The following CD96 variants were observed in gnomAD, a reference collection of about 807,000 sequenced individuals.
The protein encoded by CD96 is T-cell surface protein tactile.
CD96 carries 70 observed loss-of-function variants against 71.3 expected under a neutral mutation model. The observed-to-expected ratio is 0.98, with a 90% CI of 0.81 to 1.20. The LOEUF (loss-of-function observed/expected upper bound fraction) is 1.20, where lower values mean the gene tolerates loss of function less well. Ranked by LOEUF, CD96 falls within the 50% of genes most tolerant of loss-of-function variation. The pLI is 0.00. For synonymous variants in CD96, 248 were observed against 233.0 expected (o/e 1.06, Z -0.59); for missense variants, 742 against 677.5 (o/e 1.10, Z -1.06).
At chr3:111,588,170 C>T (rs1936802026) in intron 5 of CD96, among the ~76,000 whole-genome samples, 1 of 152,138 alleles carries the variant, frequency 6.6e-6, no homozygotes, top group Non-Finnish European at 1.5e-5. Context: ...AAACTGAATG[C>T]CTTTAACAGC....
intron 10 of CD96, among the ~76,000 whole-genome samples, chr3:111,627,012 A>T (rs1167902239): frequency 6.6e-6 from 1 of 152,236 alleles, no homozygotes; most frequent in Non-Finnish European, 1.5e-5. Context: ...AACATGTATA[A>T]ATCTGTGTAC....
intron 5 of CD96, among the ~76,000 whole-genome samples, chr3:111,585,613 G>GAA (rs146043774): frequency 2.0e-5 from 3 of 150,398 alleles, no homozygotes; most frequent in African/African-American, 4.9e-5. Flanking sequence ...AAATTTCTCA[G>GAA]AAAAAAAAAT....
At chr3:111,642,591 G>A (rs1247985844) in intron 12 of CD96, among the ~76,000 whole-genome samples, 1 of 152,044 alleles carries the variant, frequency 6.6e-6, no homozygotes, top group Admixed American at 6.6e-5. Context: ...AGTGGATCAT[G>A]AGGTCAAGAG....
rs141413172 is a variant in CD96, at chr3:111,663,688, G to A, written c.*53-1839G>A. ...ATACCATCTCCCGCCAGCCAGAATG[G>A]CCATTATTAAAAAGTCAAAAAACAG... On this transcript the variant is annotated intron_variant and NMD_transcript_variant, in intron 14 of 14. Coordinates refer to the CD96 transcript ENST00000494798. Among the ~76,000 whole-genome samples the A allele has an allele frequency of 7.5e-3, 1,131 of 151,118 alleles. 16 individuals carry two copies. The highest frequency in any genetic ancestry group is 0.026 in the African/African-American group (1,087 of 41,244).
Position 111,594,108 on chromosome 3 carries a change from C to T in CD96, c.808-4012C>T, listed in dbSNP as rs922659089. The T allele has an allele frequency of 6.2e-6, 10 of 1,614,010 alleles. No homozygotes were observed. The highest frequency in any genetic ancestry group is 7.6e-6 in the Non-Finnish European group (9 of 1,180,002). On this transcript the variant is annotated intron_variant, in intron 5 of 13. Transcript: ENST00000352690. ...CTCACAAAAGGGCCAACCAGTTCTC[C>T]TGTCTCACTAATCTCTTCCTCCTCC... is the stretch of plus-strand genomic sequence containing the variant.
chr3:111,650,287 G>T lies in CD96; in HGVS notation c.*481G>T, dbSNP rs552248335. ...GTGCTAACAAGGCTGCCAAGTAATG[G>T]AGAAGTATGGTTAGTCTTCATATTG... On this transcript the variant is annotated 3_prime_UTR_variant, in exon 14 of 14. Transcript: ENST00000352690. The T allele has an allele frequency of 2.2e-4, 41 of 182,274 alleles. No individual in the cohort carries two copies. Among genetic ancestry groups the T allele is most frequent in the African/African-American group, 9.6e-4 (41 of 42,622 alleles). The allele number at this position is 182,274 out of a possible 1,614,324, so 11.3% of individuals were successfully genotyped here.
chr3:111,579,432 C>T (rs1234495481), intron 4 of CD96, 198 bp downstream of exon 4: 2 of 662,322 alleles, frequency 3.0e-6, no homozygotes, highest in Admixed American at 4.2e-5. Flanking sequence ...ATTCTGTTAA[C>T]AGAATAAAAT....
rs1424599493 is a variant in CD96, at chr3:111,650,740, C to G, written c.*934C>G. 6.6e-6 allele frequency: 1 copy of G among 152,210 alleles called. No homozygotes were observed. Among genetic ancestry groups the G allele is most frequent in the Non-Finnish European group, 1.5e-5 (1 of 68,060 alleles). The allele number at this position is 152,210 out of a possible 1,614,324, so 9.4% of individuals were successfully genotyped here. A position where few individuals can be genotyped will look rare whatever the true frequency, so the allele number is the denominator to read the frequency against. ...GACCAGCACTGATTAATTAACCCTG[C>G]TCCTACCAATCTTTTTTAAAGCAGT... On this transcript the variant is annotated 3_prime_UTR_variant, in exon 14 of 14. Coordinates refer to ENST00000352690, the MANE Select transcript of CD96 (RefSeq NM_005816.5).
intron 10 of CD96, among the ~76,000 whole-genome samples, chr3:111,631,927 G>T (rs746962292): frequency 6.6e-6 from 1 of 152,174 alleles, no homozygotes; most frequent in Non-Finnish European, 1.5e-5. Context: ...CTAGCCATAT[G>T]CAGAAAACTT....
chr3:111,619,804 G>T (rs889767171), intron 8 of CD96, among the ~76,000 whole-genome samples: 4 of 152,186 alleles, frequency 2.6e-5, no homozygotes, highest in Admixed American at 2.6e-4. Flanking sequence ...GAATCTCCAG[G>T]TCAGGTTCTA....
chr3:111,607,905 C>T (rs1319563080), intron 8 of CD96, among the ~76,000 whole-genome samples: 2 of 152,170 alleles, frequency 1.3e-5, no homozygotes, highest in Admixed American at 6.5e-5. Flanking sequence ...TTTCATTTAA[C>T]AAGTATTAGC....
rs1038840277 is a variant in CD96 at position 111,650,056 on chromosome 3, A to G, written c.*250A>G. 4.0e-6 allele frequency: 2 copies of G among 498,166 alleles called. No individual in the cohort carries two copies. The highest frequency in any genetic ancestry group is 3.9e-5 in the African/African-American group (2 of 51,546). 30.9% of individuals were successfully genotyped at this position (498,166 alleles called of 1,614,324 possible). On this transcript the variant is annotated 3_prime_UTR_variant, in exon 14 of 14. Coordinates refer to ENST00000352690, the MANE Select transcript of CD96 (RefSeq NM_005816.5). Reference sequence around the variant, plus strand: ...TTCGTAGTGGTTTTCTTGCTTATGTAAGAAGTACATATTAGTCTGCCATCT... The same window carrying G: ...TTCGTAGTGGTTTTCTTGCTTATGTGAGAAGTACATATTAGTCTGCCATCT...
chr3:111,583,539 G>A (rs549127602), intron 4 of CD96, among the ~76,000 whole-genome samples: 7 of 152,338 alleles, frequency 4.6e-5, no homozygotes, highest in South Asian at 4.1e-4. Flanking sequence ...TGAGGGCCCC[G>A]CCCTTGCAGC....
intron 5 of CD96, among the ~76,000 whole-genome samples, chr3:111,591,738 T>A (rs1010552999): frequency 8.5e-5 from 13 of 152,170 alleles, no homozygotes; most frequent in African/African-American, 3.1e-4. Context: ...GGAGACCACA[T>A]GACAAATGAA....
intron 4 of CD96, 110 bp from the exon 5 acceptor site, chr3:111,585,213 A>G: frequency 2.5e-6 from 1 of 398,160 alleles, no homozygotes; most frequent in South Asian, 4.8e-5. Context: ...ATTTATAAAT[A>G]TTAATATTTA....
chr3:111,547,449 C>T (rs1934467016), intron 2 of CD96, among the ~76,000 whole-genome samples: 1 of 152,116 alleles, frequency 6.6e-6, no homozygotes, highest in South Asian at 2.1e-4. Flanking sequence ...AACCAGTAAA[C>T]AATACTATTG....
intron 3 of CD96, among the ~76,000 whole-genome samples, chr3:111,569,694 G>A (rs1935887473): frequency 6.6e-6 from 1 of 152,110 alleles, no homozygotes; most frequent in African/African-American, 2.4e-5. Context: ...TATGTAATCT[G>A]TTTTTCTAAG....
Position 111,647,575 on chromosome 3 carries a change from T to C in CD96, c.1510T>C (p.Ser504Pro). ...IVVNKPKDGM[S>P]WPVIVAALLF... is the part of the protein sequence containing the mutation. ...GGTCAATAAGCCCAAAGATGGAATGTCCTGGCCAGTGATTGTAGCAGCTTT... is the reference window on the plus strand; with the variant it reads ...GGTCAATAAGCCCAAAGATGGAATGCCCTGGCCAGTGATTGTAGCAGCTTT... The change falls in exon 13 of 14, where the codon TCC becomes CCC. Residue 504 changes from serine to proline, a missense_variant. Physicochemically the swap from Ser to Pro is moderately conservative, Grantham distance 74 (BLOSUM62 -1). Coordinates refer to ENST00000352690, the MANE Select transcript of CD96 (RefSeq NM_005816.5). 1 of 1,612,128 alleles carries C rather than the reference T, an allele frequency of 6.2e-7. No individual in the cohort carries two copies. Among genetic ancestry groups the C allele is most frequent in the Non-Finnish European group, 8.5e-7 (1 of 1,178,240 alleles).
intron 8 of CD96, among the ~76,000 whole-genome samples, chr3:111,622,901 G>T (rs142016129): frequency 3.3e-5 from 5 of 152,136 alleles, no homozygotes; most frequent in African/African-American, 1.2e-4. Flanking sequence ...CCAAATGTGG[G>T]GCCCACATCT....
Sources: gnomAD v4.1 joint callset for allele counts (sites outside exome capture counted in the v4.1 genomes callset) on GRCh38, gnomAD v4.1.1 for gene constraint, MANE v1.5 for transcripts, NCBI Gene and HGNC (gene_info 2026-07-23, HGNC 2026-07-21) for gene names.